LRFN5: variants seen among roughly 807,000 people sequenced by gnomAD.
LRFN5 encodes leucine-rich repeat and fibronectin type-III domain-containing protein 5.
In LRFN5, 24 loss-of-function variants were observed where a neutral mutation model predicts 45.6. The ratio of observed to expected loss-of-function variants is 0.53; its 90% CI spans 0.38 to 0.74. The LOEUF (loss-of-function observed/expected upper bound fraction) is 0.74, where lower values mean the gene tolerates loss of function less well. LRFN5 is among the 30% of genes least tolerant of loss of function. The pLI is 0.00. For missense variants in LRFN5, 776 were observed against 861.5 expected, an observed-to-expected ratio of 0.90 and a Z score of 1.24; for synonymous variants, 340 against 313.8, an observed-to-expected ratio of 1.08 and a Z score of -0.88.
At chr14:41,889,464 A>G (rs1257142350) in intron 3 of LRFN5, among the ~76,000 whole-genome samples, 1 of 152,134 alleles carries the variant, frequency 6.6e-6, no homozygotes, top group African/African-American at 2.4e-5. Context: ...GGCTCTTCAC[A>G]TAACTCATGG....
intron 2 of LRFN5, among the ~76,000 whole-genome samples, chr14:41,844,161 G>GGC (rs1566478693): frequency 5.9e-5 from 9 of 152,188 alleles, no homozygotes; most frequent in East Asian, 1.9e-4. Flanking sequence ...AATTCGGCCG[G>GGC]GTGCAGTGGC....
rs1272310669 is a variant in LRFN5 at position 41,674,354 on chromosome 14, T to C, written c.-197+65792T>C. On this transcript the variant is annotated intron_variant, in intron 1 of 5. Coordinates refer to ENST00000298119, the MANE Select transcript of LRFN5 (RefSeq NM_152447.5). Reference sequence around the variant, plus strand: ...CCGACCCCCCCACCTCCCTCCCAGATGGGGCGGCTGGCCGGGCGGGGGGCT... The same window carrying C: ...CCGACCCCCCCACCTCCCTCCCAGACGGGGCGGCTGGCCGGGCGGGGGGCT... 4.2e-3 allele frequency among the ~76,000 whole-genome samples: 346 copies of C among 81,800 alleles called. 1 individual carries two copies. The highest frequency in any genetic ancestry group is 6.5e-3 in the African/African-American group (136 of 20,938). The allele number at this position is 81,800 out of a possible 152,430, so 53.7% of individuals were successfully genotyped here.
chr14:41,831,965 G>C (rs1888499309), intron 2 of LRFN5, among the ~76,000 whole-genome samples: 1 of 152,092 alleles, frequency 6.6e-6, no homozygotes, highest in South Asian at 2.1e-4. Flanking sequence ...CTAGCAGAGA[G>C]AAAAAAATTT....
At chr14:41,769,021 T>C (rs1885986916) in intron 2 of LRFN5, among the ~76,000 whole-genome samples, 1 of 152,186 alleles carries the variant, frequency 6.6e-6, no homozygotes, top group East Asian at 1.9e-4. Flanking sequence ...TACCTCATGT[T>C]CTCTATTTTT....
At chr14:41,884,200 G>C (rs878869673) in intron 2 of LRFN5, among the ~76,000 whole-genome samples, 1 of 152,172 alleles carries the variant, frequency 6.6e-6, no homozygotes, top group Admixed American at 6.5e-5. Context: ...GTCTCCAGGG[G>C]TAATTGTAGA....
At chr14:41,756,274 G>C (rs1321099961) in intron 1 of LRFN5, among the ~76,000 whole-genome samples, 1 of 152,102 alleles carries the variant, frequency 6.6e-6, no homozygotes, top group Non-Finnish European at 1.5e-5. Flanking sequence ...GAGTATCTTT[G>C]TGGCATTCTC....
At chr14:41,629,476 C>T (rs1469171638) in intron 1 of LRFN5, among the ~76,000 whole-genome samples, 1 of 152,148 alleles carries the variant, frequency 6.6e-6, no homozygotes, top group African/African-American at 2.4e-5. Flanking sequence ...CTTGCATTTA[C>T]TTAGGTTAGA....
intron 1 of LRFN5, among the ~76,000 whole-genome samples, chr14:41,686,414 A>G (rs984198160): frequency 6.6e-6 from 1 of 152,116 alleles, no homozygotes. Context: ...ATCTGCAAAC[A>G]GAGAAAGCTT....
At chr14:41,674,350 C>A (rs375305955) in intron 1 of LRFN5, among the ~76,000 whole-genome samples, 3,249 of 135,256 alleles carry the variant, frequency 0.024, 161 homozygotes, top group East Asian at 0.21. Flanking sequence ...ACCTCCCTCC[C>A]AGATGGGGCG....
intron 1 of LRFN5, among the ~76,000 whole-genome samples, chr14:41,680,419 C>T (rs1049191325): frequency 6.6e-6 from 1 of 152,166 alleles, no homozygotes; most frequent in African/African-American, 2.4e-5. Flanking sequence ...TTGAGACACA[C>T]AGAGAGAATG....
intron 2 of LRFN5, among the ~76,000 whole-genome samples, chr14:41,850,315 T>C (rs1362807301): frequency 6.6e-6 from 1 of 151,812 alleles, no homozygotes; most frequent in African/African-American, 2.4e-5. Flanking sequence ...GTGATTGAGG[T>C]AGAATAAGGA....
chr14:41,739,462 T>C (rs1884595573), intron 1 of LRFN5, among the ~76,000 whole-genome samples: 1 of 151,732 alleles, frequency 6.6e-6, no homozygotes, highest in Non-Finnish European at 1.5e-5. Flanking sequence ...TAAATATCCT[T>C]CTTAATGACA....
intron 1 of LRFN5, among the ~76,000 whole-genome samples, chr14:41,712,669 GAGA>G (rs1262689756): frequency 6.6e-6 from 1 of 152,148 alleles, no homozygotes; most frequent in Non-Finnish European, 1.5e-5. Context: ...AAGCAAGAAA[GAGA>G]AGGTGATTAC....
chr14:41,612,229 A>G (rs905135162), intron 1 of LRFN5, among the ~76,000 whole-genome samples: 34 of 152,126 alleles, frequency 2.2e-4, no homozygotes, highest in African/African-American at 7.7e-4. Context: ...CTGCCTCTAC[A>G]TGAAACTACT....
chr14:41,641,826 A>G (rs150172607), intron 1 of LRFN5, among the ~76,000 whole-genome samples: 1 of 152,252 alleles, frequency 6.6e-6, no homozygotes, highest in Non-Finnish European at 1.5e-5. Context: ...TTATAGTCAC[A>G]CAAATCAACT....
chr14:41,739,589 A>G (rs1415209485), intron 1 of LRFN5, among the ~76,000 whole-genome samples: 2 of 152,110 alleles, frequency 1.3e-5, no homozygotes, highest in South Asian at 2.1e-4. Context: ...GAATTTTATA[A>G]CAATAAACAC....
chr14:41,877,500 A>G (rs1890225725), intron 2 of LRFN5, among the ~76,000 whole-genome samples: 1 of 152,112 alleles, frequency 6.6e-6, no homozygotes, highest in South Asian at 2.1e-4. Context: ...GTGTTTACCT[A>G]TCTTCAATAA....
chr14:41,834,859 C>T (rs1453204183), intron 2 of LRFN5, among the ~76,000 whole-genome samples: 1 of 151,956 alleles, frequency 6.6e-6, no homozygotes, highest in East Asian at 1.9e-4. Flanking sequence ...GATGAGGTTT[C>T]GCTCTGTTGC....
At chr14:41,664,783 A>C (rs992099440) in intron 1 of LRFN5, among the ~76,000 whole-genome samples, 2 of 152,042 alleles carry the variant, frequency 1.3e-5, no homozygotes, top group Non-Finnish European at 2.9e-5. Context: ...CTACTCTGAG[A>C]GAGTTCTTTA....
Sources: allele counts gnomAD v4.1 joint callset (sites outside exome capture counted in the v4.1 genomes callset), GRCh38; gene constraint gnomAD v4.1.1; transcripts MANE v1.5; gene names NCBI Gene and HGNC (gene_info 2026-07-23, HGNC 2026-07-21).